Variants in PSG2 observed in about 807,000 individuals in gnomAD.
PSG2 encodes pregnancy-specific beta-1-glycoprotein 2.
A neutral mutation model predicts 36.2 loss-of-function variants in PSG2; 49 were observed. The observed-to-expected ratio is 1.35, with a 90% CI of 1.08 to 1.72. PSG2 has a LOEUF of 1.72. PSG2 is among the 40% of genes most tolerant of loss of function. The pLI, the probability that PSG2 is intolerant of heterozygous loss-of-function variation, is 0.00. For missense variants in PSG2, 605 were observed against 407.2 expected (o/e 1.49, Z -4.18); for synonymous variants, 261 against 155.6 (o/e 1.68, Z -5.04).
At position 43,069,016 on chromosome 19, in the gene PSG2, G is replaced by A. The variant is rs1967780659; in HGVS notation, c.965-2416C>T. Among the ~76,000 whole-genome samples the A allele has an allele frequency of 4.6e-5, 7 of 151,732 alleles. No individual in the cohort carries two copies. In the South Asian group the frequency reaches 1.5e-3, roughly 32 times the overall value. On this transcript the variant is annotated intron_variant, in intron 4 of 5. Transcript: ENST00000406487. The stretch of plus-strand genomic sequence containing the variant: ...ATTAATAAATAAATTCAGTAACGTT[G>A]CACAATAGAAAATCAGCATTCAAAC...
At chr19:43,069,951 A>C (rs1385736778) in intron 4 of PSG2, among the ~76,000 whole-genome samples, 2 of 151,830 alleles carry the variant, frequency 1.3e-5, no homozygotes, top group Non-Finnish European at 2.9e-5. Context: ...ATAAGAAATT[A>C]ATTTCCAGAA....
chr19:43,078,221 A>G (rs750702206), intron 2 of PSG2, among the ~76,000 whole-genome samples: 1 of 151,696 alleles, frequency 6.6e-6, no homozygotes, highest in African/African-American at 2.4e-5. Context: ...TTAATTTTGA[A>G]GCAAGAATGA....
intron 2 of PSG2, 143 bp from the exon 3 acceptor site, chr19:43,075,775 A>C: frequency 6.8e-7 from 1 of 1,474,916 alleles, no homozygotes; most frequent in South Asian, 1.4e-5. Context: ...GTTACAAGAC[A>C]GATGCATGGC....
chr19:43,081,137 C>T lies in PSG2; in HGVS notation c.174G>A (p.Leu58=), dbSNP rs148608529. Reference sequence around the variant, plus strand: ...AGATGTAGCCAGTAAGATTCTGGGGCAAATTGTGGACAAGTAGAAGAACAT... The same window carrying T: ...AGATGTAGCCAGTAAGATTCTGGGGTAAATTGTGGACAAGTAGAAGAACAT... The part of the protein sequence containing the change: ...GKDVLLLVHN[L]PQNLTGYIWY... Residue 58 remains leucine (L), a synonymous_variant, in exon 2 of 6, where the codon TTG becomes TTA. Coordinates refer to ENST00000406487, the MANE Select transcript of PSG2 (RefSeq NM_031246.4). 1 of 1,612,782 alleles carries T rather than the reference C, an allele frequency of 6.2e-7. No homozygotes were observed.
In PSG2 at chr19:43,068,455, C is replaced by CAA. The variant is rs558588522; in HGVS notation, c.965-1857_965-1856dup. Among the ~76,000 whole-genome samples the CAA allele has an allele frequency of 1.3e-4, 11 of 81,792 alleles. 1 individual carries two copies. Among genetic ancestry groups the CAA allele is most frequent in the East Asian group, 3.2e-4 (1 of 3,078 alleles). 53.7% of individuals were successfully genotyped at this position (81,792 alleles called of 152,430 possible). A position where few individuals can be genotyped will look rare whatever the true frequency, so the allele number is the denominator to read the frequency against. On this transcript the variant is annotated intron_variant, in intron 4 of 5. Coordinates refer to ENST00000406487, the MANE Select transcript of PSG2 (RefSeq NM_031246.4). ...TGACAGCCTGTCTCTCTCTTTTCAA[C>CAA]AAAAAAAAAAAAAAGAAAGAAAGAA...
chr19:43,076,897 A>T (rs1490284264), intron 2 of PSG2, among the ~76,000 whole-genome samples: 1 of 151,670 alleles, frequency 6.6e-6, no homozygotes, highest in Non-Finnish European at 1.5e-5. Context: ...TTTAAAATCC[A>T]CAATGCGCCA....
At position 43,082,570 on chromosome 19, in the gene PSG2, G is replaced by T. The variant is rs145401251; in HGVS notation, c.-1C>A. On this transcript the variant is annotated 5_prime_UTR_variant, in exon 1 of 6. Coordinates refer to ENST00000406487, the MANE Select transcript of PSG2 (RefSeq NM_031246.4). ...AGGGAGGGGCTGAGAGGGGCCCCAT[G>T]GTCTCTGCTGCCTGTGTGTTCTCCT... 654 of 1,611,664 alleles carry T rather than the reference G, an allele frequency of 4.1e-4. 4 individuals are homozygous for T. The highest frequency in any genetic ancestry group is 5.1e-4 in the Non-Finnish European group (599 of 1,178,886).
At chr19:43,080,581 G>T (rs1967957441) in intron 2 of PSG2, among the ~76,000 whole-genome samples, 1 of 151,626 alleles carries the variant, frequency 6.6e-6, no homozygotes, top group South Asian at 2.1e-4. Context: ...TCTTTCTCAG[G>T]GTCAAATTTA....
rs571861744 is a variant in PSG2, at chr19:43,066,929, C to T, written c.965-329G>A. 9.2e-5 allele frequency among the ~76,000 whole-genome samples: 14 copies of T among 151,420 alleles called. No homozygotes were observed. The East Asian group carries it at 1.9e-3, about 21-fold the overall frequency. ...CCTTTTCATGGTTGCATCTTTTTCT[C>T]GGTGTTTCTGTTGTGGCAGTCATGA... On this transcript the variant is annotated intron_variant, in intron 4 of 5. Transcript: ENST00000406487.
At chr19:43,072,235 C>G in intron 3 of PSG2, 1 of 1,508,514 alleles carries the variant, frequency 6.6e-7, no homozygotes, top group Non-Finnish European at 9.0e-7. Flanking sequence ...TCATGGCCAG[C>G]TTGGATGTCC....
At chr19:43,065,158 T>C (rs1213988781) in intron 5 of PSG2, among the ~76,000 whole-genome samples, 1 of 151,686 alleles carries the variant, frequency 6.6e-6, no homozygotes, top group African/African-American at 2.4e-5. Flanking sequence ...TTATTAACAT[T>C]CCCATAAATA....
intron 4 of PSG2, among the ~76,000 whole-genome samples, chr19:43,070,159 T>A (rs577718957): frequency 1.3e-5 from 2 of 151,720 alleles, no homozygotes; most frequent in South Asian, 4.1e-4. Flanking sequence ...CACTTTAGGA[T>A]GGCTTTGATA....
intron 4 of PSG2, among the ~76,000 whole-genome samples, chr19:43,068,183 C>A (rs1967766913): frequency 6.6e-6 from 1 of 151,128 alleles, no homozygotes. Context: ...ATGTTTTAAT[C>A]CTAGCACTTT....
In PSG2 at chr19:43,072,220, G is replaced by C. The variant is rs1474313985; in HGVS notation, c.710-266C>G. On this transcript the variant is annotated intron_variant, in intron 3 of 5. Coordinates refer to ENST00000406487, the MANE Select transcript of PSG2 (RefSeq NM_031246.4). ...TGCCTACCCAGGTTTTCCCAGGGCA[G>C]GGAGTCATGGCCAGCTTGGATGTCC... 2.7e-6 allele frequency: 4 copies of C among 1,470,402 alleles called. No individual in the cohort carries two copies. In the Admixed American group the frequency reaches 6.2e-5, roughly 23 times the overall value. 91.1% of individuals were successfully genotyped at this position (1,470,402 alleles called of 1,614,324 possible).
chr19:43,071,929 G>A lies in PSG2; in HGVS notation c.735C>T (p.His245=), dbSNP rs550910412. 3.1e-6 allele frequency: 5 copies of A among 1,612,764 alleles called. No homozygotes were observed. In the African/African-American group the frequency reaches 5.4e-5, roughly 17 times the overall value. The change falls in exon 4 of 6, where the codon CAC becomes CAT. Residue 245 remains histidine, a synonymous_variant. Coordinates refer to ENST00000406487, the MANE Select transcript of PSG2 (RefSeq NM_031246.4). ...LLHGPDLPRI[H]PSYTNYRSGD... is the part of the protein sequence containing the mutation. ...CTGAACGGTAATTGGTGTATGAAGG[G>A]TGAATTCTGGGGAGGTCTGGACCAT... is the stretch of plus-strand genomic sequence containing the variant.
intron 5 of PSG2, chr19:43,065,708 T>A (rs1464672319): frequency 6.6e-6 from 1 of 151,712 alleles, no homozygotes; most frequent in East Asian, 1.9e-4. Flanking sequence ...CTTCTTCATT[T>A]CTGTATGTTT....
chr19:43,075,300 G>A (rs1218866769), intron 3 of PSG2, 54 bp downstream of exon 3: 2 of 1,613,054 alleles, frequency 1.2e-6, no homozygotes, highest in Non-Finnish European at 1.7e-6. Context: ...CTGGCCTCTG[G>A]CCATGTGTAT....
chr19:43,071,858 G>A lies in PSG2; in HGVS notation c.806C>T (p.Ala269Val), dbSNP rs1362039130. 6.2e-7 allele frequency: 1 copy of A among 1,613,060 alleles called. No homozygotes were observed. Among genetic ancestry groups the A allele is most frequent in the Non-Finnish European group, 8.5e-7 (1 of 1,179,644 alleles). Residue 269 changes from alanine to valine, a missense_variant, in exon 4 of 6, where the codon GCA becomes GTA. Ala to Val is a moderately conservative substitution (Grantham distance 64). Coordinates refer to ENST00000406487, the MANE Select transcript of PSG2 (RefSeq NM_031246.4). ...LSCFANSNPP[A>V]QYSWTINGKF... Reference sequence around the variant, plus strand: ...CCCATTAATTGTCCAAGAATACTGTGCCGGTGGGTTAGAGTTCGCGAAGCA... The same window carrying A: ...CCCATTAATTGTCCAAGAATACTGTACCGGTGGGTTAGAGTTCGCGAAGCA...
intron 2 of PSG2, among the ~76,000 whole-genome samples, chr19:43,076,531 G>C (rs184010893): frequency 5.3e-5 from 8 of 151,774 alleles, no homozygotes; most frequent in Non-Finnish European, 1.2e-4. Flanking sequence ...GTGGATATTA[G>C]ACCAATATTT....
Sources: allele counts gnomAD v4.1 joint callset (sites outside exome capture counted in the v4.1 genomes callset), GRCh38; gene constraint gnomAD v4.1.1; transcripts MANE v1.5; gene names NCBI Gene and HGNC (gene_info 2026-07-23, HGNC 2026-07-21).